The following GALNT13 variants were observed in gnomAD, a reference collection of about 807,000 sequenced individuals.
The protein encoded by GALNT13 is polypeptide N-acetylgalactosaminyltransferase 13.
GALNT13 carries 28 observed loss-of-function variants against 64.2 expected under a neutral mutation model. That is an observed-to-expected ratio of 0.44 (90% CI 0.32 to 0.60). The LOEUF is 0.60. Among genes scored for constraint, GALNT13 ranks in the 20% least tolerant of loss-of-function variants. The pLI, the probability that GALNT13 is intolerant of heterozygous loss-of-function variation, is 0.05. For synonymous variants in GALNT13, 214 were observed against 224.6 expected (o/e 0.95, Z 0.42); for missense variants, 577 against 669.8 (o/e 0.86, Z 1.53).
chr2:154,199,079 AACTTGAT>A (rs1460151992), intron 4 of GALNT13, among the ~76,000 whole-genome samples: 1 of 151,932 alleles, frequency 6.6e-6, no homozygotes, highest in Non-Finnish European at 1.5e-5. Context: ...CAGGGTGGGG[AACTTGAT>A]CAGGAAATTG....
At chr2:154,074,172 G>A (rs1467638039) in intron 3 of GALNT13, among the ~76,000 whole-genome samples, 1 of 151,842 alleles carries the variant, frequency 6.6e-6, no homozygotes, top group Non-Finnish European at 1.5e-5. Flanking sequence ...GAGGGTAAAA[G>A]TGTCCTAAGA....
At chr2:153,731,543 C>T in the GALNT13 span, among the ~76,000 whole-genome samples, 3 of 151,898 alleles carry the variant, frequency 2.0e-5, no homozygotes, top group Non-Finnish European at 4.4e-5. Flanking sequence ...CATTAACTTA[C>T]TCATTTTGCC....
At chr2:153,639,237 C>T in the GALNT13 span, among the ~76,000 whole-genome samples, 3 of 151,516 alleles carry the variant, frequency 2.0e-5, no homozygotes, top group African/African-American at 4.9e-5. Context: ...ATTAATTGTT[C>T]GATATCTTGG....
chr2:153,555,744 T>A, the GALNT13 span, among the ~76,000 whole-genome samples: 3 of 152,236 alleles, frequency 2.0e-5, no homozygotes. Context: ...ATGCTCTTAA[T>A]TGCTGTGTTA....
chr2:154,237,587 CAT>C lies in GALNT13; in HGVS notation c.312-4439_312-4438del, dbSNP rs370176721. On this transcript the variant is annotated intron_variant, in intron 4 of 12. Coordinates refer to ENST00000392825, the MANE Select transcript of GALNT13 (RefSeq NM_052917.4). Reference sequence around the variant, plus strand: ...ATATTATTTATAATATATAGTATAACATATAGTATAAAGGTTTTTTTACACAA... The same window carrying C: ...ATATTATTTATAATATATAGTATAACATAGTATAAAGGTTTTTTTACACAA... Among the ~76,000 whole-genome samples, 32 of 147,164 alleles carry C rather than the reference CAT, an allele frequency of 2.2e-4. 1 individual carries two copies. The East Asian group carries it at 6.3e-3, about 29-fold the overall frequency.
the GALNT13 span, among the ~76,000 whole-genome samples, chr2:153,219,180 A>G: frequency 1.3e-5 from 2 of 152,190 alleles, no homozygotes; most frequent in Non-Finnish European, 2.9e-5. Flanking sequence ...CAATTTAGTC[A>G]TGTTCTCTGA....
chr2:154,034,760 A>G (rs1558922040), intron 3 of GALNT13, among the ~76,000 whole-genome samples: 1 of 152,156 alleles, frequency 6.6e-6, no homozygotes. Context: ...GTGTTGATAC[A>G]AAAGATATGA....
At chr2:153,934,265 C>T (rs921812928) in intron 2 of GALNT13, among the ~76,000 whole-genome samples, 1 of 152,090 alleles carries the variant, frequency 6.6e-6, no homozygotes, top group African/African-American at 2.4e-5. Context: ...TTCAAGCTTG[C>T]AGAAGACTGT....
At chr2:153,540,966 A>G in the GALNT13 span, among the ~76,000 whole-genome samples, 1 of 152,080 alleles carries the variant, frequency 6.6e-6, no homozygotes, top group African/African-American at 2.4e-5. Flanking sequence ...ATGAGCTAAG[A>G]CTTTGGGGGA....
chr2:153,747,101 A>G, the GALNT13 span, among the ~76,000 whole-genome samples: 2 of 152,068 alleles, frequency 1.3e-5, no homozygotes, highest in Non-Finnish European at 2.9e-5. Flanking sequence ...GTAGGTATAT[A>G]TATTTATGGG....
chr2:153,916,714 C>T (rs1689374562), intron 2 of GALNT13, among the ~76,000 whole-genome samples: 1 of 152,118 alleles, frequency 6.6e-6, no homozygotes, highest in African/African-American at 2.4e-5. Flanking sequence ...ATTTAGTTTA[C>T]CTATCTTATA....
chr2:154,322,613 C>T (rs1321700988), intron 9 of GALNT13, among the ~76,000 whole-genome samples: 4 of 152,054 alleles, frequency 2.6e-5, no homozygotes, highest in Non-Finnish European at 5.9e-5. Flanking sequence ...ACTTTTAGTC[C>T]TTTGTATTTT....
chr2:153,509,440 A>G, the GALNT13 span, among the ~76,000 whole-genome samples: 5 of 152,392 alleles, frequency 3.3e-5, no homozygotes, highest in African/African-American at 9.6e-5. Flanking sequence ...GCTGCCATCA[A>G]TAGTGATTCC....
chr2:153,906,423 G>A (rs1396187082), intron 2 of GALNT13, among the ~76,000 whole-genome samples: 2 of 125,666 alleles, frequency 1.6e-5, no homozygotes, highest in African/African-American at 3.1e-5. Flanking sequence ...AGTCCCCAGA[G>A]TGTGATGTTC....
intron 4 of GALNT13, among the ~76,000 whole-genome samples, chr2:154,147,306 ACTATATACAT>A (rs1422138349): frequency 1.3e-5 from 2 of 151,206 alleles, no homozygotes; most frequent in African/African-American, 2.4e-5. Context: ...GAATGGAATG[ACTATATACAT>A]ATATATGTAT....
intron 9 of GALNT13, among the ~76,000 whole-genome samples, chr2:154,370,282 G>A (rs1479150532): frequency 1.3e-5 from 2 of 152,032 alleles, no homozygotes; most frequent in Non-Finnish European, 2.9e-5. Context: ...TATCCTAAGA[G>A]ATCCAAAAAT....
the GALNT13 span, among the ~76,000 whole-genome samples, chr2:153,132,742 C>A: frequency 1.3e-5 from 2 of 152,096 alleles, no homozygotes; most frequent in African/African-American, 2.4e-5. Context: ...TTTTTTAAGA[C>A]AAGTTCTCAC....
At chr2:153,403,698 CT>C in the GALNT13 span, among the ~76,000 whole-genome samples, 33 of 152,308 alleles carry the variant, frequency 2.2e-4, no homozygotes, top group African/African-American at 6.7e-4. Context: ...TTTCCAGGTG[CT>C]GTCCGTCACC....
At chr2:153,552,097 AGAT>A in the GALNT13 span, among the ~76,000 whole-genome samples, 1 of 152,206 alleles carries the variant, frequency 6.6e-6, no homozygotes, top group African/African-American at 2.4e-5. Flanking sequence ...TGGTAGGTTG[AGAT>A]GATGATCAAA....
Sources: gnomAD v4.1 joint callset for allele counts (sites outside exome capture counted in the v4.1 genomes callset) on GRCh38, gnomAD v4.1.1 for gene constraint, MANE v1.5 for transcripts, NCBI Gene and HGNC (gene_info 2026-07-23, HGNC 2026-07-21) for gene names.